Variants in MLXIP observed in about 807,000 individuals in gnomAD.
MLXIP encodes the protein MLX-interacting protein.
A neutral mutation model predicts 87.2 loss-of-function variants in MLXIP; 30 were observed. The observed-to-expected ratio is 0.34, with a 90% CI of 0.26 to 0.47. The LOEUF is 0.47. Ranked by LOEUF, MLXIP falls within the 20% of genes least tolerant of loss-of-function variation. MLXIP has a pLI of 1.00. For synonymous variants in MLXIP, 530 were observed against 514.0 expected (o/e 1.03, Z -0.42); for missense variants, 1,002 against 1,240.1 (o/e 0.81, Z 2.88).
chr12:122,081,854 T>C (rs1210184348), intron 1 of MLXIP, among the ~76,000 whole-genome samples: 1 of 152,154 alleles, frequency 6.6e-6, no homozygotes, highest in Non-Finnish European at 1.5e-5. Flanking sequence ...GCCTAGGTTC[T>C]TTCTAACTTC....
At chr12:122,122,762 T>C (rs1952804389) in intron 1 of MLXIP, among the ~76,000 whole-genome samples, 1 of 152,014 alleles carries the variant, frequency 6.6e-6, no homozygotes. Flanking sequence ...TTAGCCAGGA[T>C]GGTCTCGATC....
At chr12:122,114,924 T>G (rs1438497457) in intron 1 of MLXIP, among the ~76,000 whole-genome samples, 1 of 151,888 alleles carries the variant, frequency 6.6e-6, no homozygotes, top group Admixed American at 6.6e-5. Context: ...TTTTTTTATT[T>G]TTAGTAGAGA....
chr12:122,138,509 G>A lies in MLXIP; in HGVS notation c.2342G>A (p.Arg781Gln), dbSNP rs1055299435. The change falls in exon 14 of 17, where the codon CGG becomes CAG. Residue 781 changes from arginine (R) to glutamine (Q), a missense_variant. By Grantham distance (43) the Arg-to-Gln change is conservative. This residue lies in a region of MLXIP where 746 missense variants were observed against 897.0 expected (regional missense o/e 0.83). Transcript: ENST00000319080. ...QERGQMQEEA[R>Q]RLREEIEELN... Reference sequence around the variant, plus strand: ...AGAGGCCAGATGCAGGAGGAGGCCCGGCGGCTGCGGGAGGAGATCGAGGAG... The same window carrying A: ...AGAGGCCAGATGCAGGAGGAGGCCCAGCGGCTGCGGGAGGAGATCGAGGAG... 5.6e-6 allele frequency: 9 copies of A among 1,613,632 alleles called. No homozygotes were observed. The highest frequency in any genetic ancestry group is 1.7e-5 in the Admixed American group (1 of 59,976).
chr12:122,125,144 C>A (rs1052477266), intron 1 of MLXIP, among the ~76,000 whole-genome samples: 5 of 152,172 alleles, frequency 3.3e-5, no homozygotes, highest in Non-Finnish European at 7.3e-5. Context: ...CCAGCCTGGG[C>A]AACAAGAGCG....
rs780274338 is a variant in MLXIP at position 122,147,333 on chromosome 12, T to C, written c.*5521T>C. The C allele has an allele frequency of 6.6e-6, 1 of 152,186 alleles. No individual in the cohort carries two copies. Among genetic ancestry groups the C allele is most frequent in the African/African-American group, 2.4e-5 (1 of 41,460 alleles). The allele number at this position is 152,186 out of a possible 1,614,324, so 9.4% of individuals were successfully genotyped here. A position where few individuals can be genotyped will look rare whatever the true frequency, so the allele number is the denominator to read the frequency against. On this transcript the variant is annotated 3_prime_UTR_variant, in exon 17 of 17. Coordinates refer to ENST00000319080, the MANE Select transcript of MLXIP (RefSeq NM_014938.6). The stretch of plus-strand genomic sequence containing the variant: ...ATCCAAGACAATAAAGACACCTTAT[T>C]TTTTTTGAAAAGCCTGTGATGTGTG...
chr12:122,103,391 A>G (rs1565965761), intron 1 of MLXIP, among the ~76,000 whole-genome samples: 1 of 151,658 alleles, frequency 6.6e-6, no homozygotes, highest in Admixed American at 6.6e-5. Context: ...TGCCCGGCTA[A>G]TTTTTGTATT....
rs1171010968 is a variant in MLXIP at position 122,145,453 on chromosome 12, AC to A, written c.*3642del. On this transcript the variant is annotated 3_prime_UTR_variant, in exon 17 of 17. Transcript: ENST00000319080. The stretch of plus-strand genomic sequence containing the variant: ...CCAGTCCCTGCCCAGATAAAGTAGC[AC>A]AGTGGCAGGCAGCACCTCTGTCTGT... 6.6e-6 allele frequency: 1 copy of A among 152,328 alleles called. No individual in the cohort carries two copies. The highest frequency in any genetic ancestry group is 1.5e-5 in the Non-Finnish European group (1 of 68,126). 9.4% of individuals were successfully genotyped at this position (152,328 alleles called of 1,614,324 possible). A position where few individuals can be genotyped will look rare whatever the true frequency, so the allele number is the denominator to read the frequency against.
chr12:122,105,499 G>A (rs757558648), intron 1 of MLXIP, among the ~76,000 whole-genome samples: 16 of 151,774 alleles, frequency 1.1e-4, no homozygotes, highest in Admixed American at 5.3e-4. Flanking sequence ...AGCCGTGCCC[G>A]GCTAATTTTG....
At chr12:122,085,114 G>A (rs1034514215) in intron 1 of MLXIP, among the ~76,000 whole-genome samples, 6 of 152,142 alleles carry the variant, frequency 3.9e-5, no homozygotes, top group African/African-American at 1.4e-4. Context: ...AAACCCAGAT[G>A]GGGAAGGTGG....
intron 1 of MLXIP, among the ~76,000 whole-genome samples, chr12:122,105,767 G>A (rs1256244098): frequency 1.3e-5 from 2 of 151,478 alleles, no homozygotes; most frequent in East Asian, 1.9e-4. Flanking sequence ...GCTAAAGAGC[G>A]GGACTCCGTC....
At chr12:122,130,457 T>C (rs1281975215) in intron 6 of MLXIP, among the ~76,000 whole-genome samples, 3 of 151,436 alleles carry the variant, frequency 2.0e-5, no homozygotes, top group Non-Finnish European at 4.4e-5. Context: ...GGGCCGTGAC[T>C]CATGCTAAAG....
Position 122,099,153 on chromosome 12 carries a change from C to T in MLXIP, c.413+19887C>T, listed in dbSNP as rs1026942370. Among the ~76,000 whole-genome samples the T allele has an allele frequency of 2.0e-4, 30 of 152,194 alleles. 1 individual carries two copies. Among genetic ancestry groups the T allele is most frequent in the Admixed American group, 2.0e-3 (30 of 15,280 alleles). ...TTGGGAGGCTGAAGTAGGAGGATGG[C>T]GTCAGCTGGGGAGTTTGAGGCTGCA... On this transcript the variant is annotated intron_variant, in intron 1 of 16. Coordinates refer to ENST00000319080, the MANE Select transcript of MLXIP (RefSeq NM_014938.6).
Position 122,137,708 on chromosome 12 carries a change from G to A in MLXIP, c.2154+118G>A. On this transcript the variant is annotated intron_variant, in intron 12 of 16. Coordinates refer to ENST00000319080, the MANE Select transcript of MLXIP (RefSeq NM_014938.6). The surrounding 1 kb of genome is among the most constrained non-coding windows in gnomAD (Gnocchi z 4.1). ...ACCCAGCCAGAGCTGCCCAGGCAGG[G>A]GTGGATCAGAAATGGGCTTCTCCTT... 1 of 1,488,862 alleles carries A rather than the reference G, an allele frequency of 6.7e-7. No individual in the cohort carries two copies. The allele number at this position is 1,488,862 out of a possible 1,614,324, so 92.2% of individuals were successfully genotyped here.
chr12:122,079,319 A>G, intron 1 of MLXIP, 53 bp downstream of exon 1: 1 of 1,507,096 alleles, frequency 6.6e-7, no homozygotes, highest in Non-Finnish European at 9.0e-7. Flanking sequence ...TTGTTTGACA[A>G]AACAAGCGTG....
At chr12:122,113,842 G>T (rs1391569095) in intron 1 of MLXIP, among the ~76,000 whole-genome samples, 1 of 151,336 alleles carries the variant, frequency 6.6e-6, no homozygotes, top group African/African-American at 2.4e-5. Context: ...CCGCCAGCAT[G>T]CCTGGCTAAC....
chr12:122,142,304 T>C lies in MLXIP; in HGVS notation c.*492T>C. On this transcript the variant is annotated 3_prime_UTR_variant, in exon 17 of 17. Transcript: ENST00000319080. Reference sequence around the variant, plus strand: ...GGGGCAGTTGGAAGGCGTCTTTCTTTCTCCCCTCAACTCTGACAGCACCCA... The same window carrying C: ...GGGGCAGTTGGAAGGCGTCTTTCTTCCTCCCCTCAACTCTGACAGCACCCA... 1 of 665,940 alleles carries C rather than the reference T, an allele frequency of 1.5e-6. No homozygotes were observed. Among genetic ancestry groups the C allele is most frequent in the Non-Finnish European group, 2.8e-6 (1 of 361,518 alleles). The allele number at this position is 665,940 out of a possible 1,614,324, so 41.3% of individuals were successfully genotyped here.
chr12:122,093,420 TTA>T (rs1462754157), intron 1 of MLXIP, among the ~76,000 whole-genome samples: 2 of 141,124 alleles, frequency 1.4e-5, no homozygotes, highest in Non-Finnish European at 3.1e-5. Context: ...TGTTGGTGTG[TTA>T]TATGTGGGGT....
At chr12:122,122,564 CAG>C (rs1565977729) in intron 1 of MLXIP, among the ~76,000 whole-genome samples, 1 of 151,488 alleles carries the variant, frequency 6.6e-6, no homozygotes, top group Admixed American at 6.6e-5. Context: ...TTTTTTGAGA[CAG>C]AGTCTTGCTC....
At chr12:122,103,246 G>A (rs146843808) in intron 1 of MLXIP, among the ~76,000 whole-genome samples, 76,566 of 150,712 alleles carry the variant, frequency 0.51, 19,890 homozygotes, top group Middle Eastern at 0.64. Context: ...TATTTTTGAG[G>A]CAGAGTTTCA....
Sources: allele counts gnomAD v4.1 joint callset (sites outside exome capture counted in the v4.1 genomes callset), GRCh38; gene constraint gnomAD v4.1.1; regional missense constraint gnomAD v4.1.1; non-coding constraint Gnocchi (gnomAD v3.1); transcripts MANE v1.5; gene names NCBI Gene and HGNC (gene_info 2026-07-23, HGNC 2026-07-21).